Variants in LRRC1 observed in about 807,000 individuals in gnomAD.
LRRC1 encodes the protein leucine rich repeat containing 1.
A neutral mutation model predicts 69.9 loss-of-function variants in LRRC1; 28 were observed. The ratio of observed to expected loss-of-function variants is 0.40; its 90% CI spans 0.30 to 0.55. The LOEUF is 0.55. Among genes scored for constraint, LRRC1 ranks in the 20% least tolerant of loss-of-function variants. LRRC1 has a pLI of 0.47. For synonymous variants in LRRC1, 236 were observed against 240.2 expected (o/e 0.98, Z 0.16); for missense variants, 498 against 609.0 (o/e 0.82, Z 1.92).
chr6:53,873,898 T>C (rs148681547), intron 2 of LRRC1, among the ~76,000 whole-genome samples: 238 of 152,354 alleles, frequency 1.6e-3, no homozygotes, highest in African/African-American at 5.5e-3. Flanking sequence ...GTGGCCTTTA[T>C]TGTGCTGAGA....
intron 2 of LRRC1, among the ~76,000 whole-genome samples, chr6:53,876,457 A>C (rs939983018): frequency 2.0e-5 from 3 of 151,912 alleles, no homozygotes; most frequent in Non-Finnish European, 4.4e-5. Flanking sequence ...CAAACTCTTA[A>C]CTCATTTCAG....
At chr6:53,872,254 GT>G (rs201658181) in intron 2 of LRRC1, among the ~76,000 whole-genome samples, 1 of 152,062 alleles carries the variant, frequency 6.6e-6, no homozygotes, top group Non-Finnish European at 1.5e-5. Context: ...ATTTATTTCT[GT>G]TTTTTAAAAA....
At chr6:53,906,391 AAC>A (rs1029927673) in intron 10 of LRRC1, among the ~76,000 whole-genome samples, 4 of 152,240 alleles carry the variant, frequency 2.6e-5, no homozygotes, top group Admixed American at 2.0e-4. Flanking sequence ...ACAGAAAATT[AAC>A]ACATTTTAGG....
chr6:53,902,268 TG>T (rs1327617321), intron 8 of LRRC1, among the ~76,000 whole-genome samples: 2 of 152,206 alleles, frequency 1.3e-5, no homozygotes, highest in Non-Finnish European at 2.9e-5. Flanking sequence ...ATTTTTTTTT[TG>T]TTTATTATAA....
intron 11 of LRRC1, among the ~76,000 whole-genome samples, chr6:53,917,350 G>A (rs1242690586): frequency 1.3e-5 from 2 of 152,186 alleles, no homozygotes; most frequent in African/African-American, 2.4e-5. Context: ...TCAGTCAGCA[G>A]CAGCCACATT....
At chr6:53,800,674 C>T (rs966840926) in intron 1 of LRRC1, among the ~76,000 whole-genome samples, 5 of 151,622 alleles carry the variant, frequency 3.3e-5, no homozygotes, top group Non-Finnish European at 7.4e-5. Flanking sequence ...GAATCTCACT[C>T]TGTCGCCCAG....
rs7767443 is a variant in LRRC1, at chr6:53,879,791, G to T, written c.356+720G>T. 4.0e-4 allele frequency among the ~76,000 whole-genome samples: 61 copies of T among 151,768 alleles called. 1 individual carries two copies. The East Asian group carries it at 0.01, about 25-fold the overall frequency. On this transcript the variant is annotated intron_variant, in intron 3 of 13. Transcript: ENST00000370888. ...TCCTGGTATGACACAGTCTGTTGCC[G>T]AGGCATGGCTGAGTGGCATTGCTGT...
intron 4 of LRRC1, 30 bp from the exon 5 acceptor site, chr6:53,896,468 A>T: frequency 6.3e-7 from 1 of 1,593,310 alleles, no homozygotes; most frequent in South Asian, 1.1e-5. Context: ...AATTTCTCTT[A>T]TGCTTTTTTT....
chr6:53,896,907 G>T lies in LRRC1; in HGVS notation c.567+15G>T. The T allele has an allele frequency of 6.6e-7, 1 of 1,510,660 alleles. No homozygotes were observed. Among genetic ancestry groups the T allele is most frequent in the South Asian group, 1.1e-5 (1 of 87,652 alleles). 93.6% of individuals were successfully genotyped at this position (1,510,660 alleles called of 1,614,324 possible). ...TATATAATTTGGTAAGTCCGTATTA[G>T]AGATTTGAATTTAACTTTGTTTTTA... On this transcript the variant is annotated intron_variant, in intron 6 of 13. Transcript: ENST00000370888.
chr6:53,909,597 T>C (rs1248938125), intron 10 of LRRC1, among the ~76,000 whole-genome samples: 3 of 152,106 alleles, frequency 2.0e-5, no homozygotes. Flanking sequence ...GTAAGGTACT[T>C]TTTTATAATC....
rs1041634765 is a variant in LRRC1, at chr6:53,795,153, G to C, written c.-104G>C. On this transcript the variant is annotated 5_prime_UTR_variant, in exon 1 of 14. Transcript: ENST00000370888. ...GCGAGCTAACCCAAGAGCCAACAAC[G>C]AGCGCGGAGAGGGCAGCGGACTGAG... is the stretch of plus-strand genomic sequence containing the variant. 1.4e-5 allele frequency: 15 copies of C among 1,040,326 alleles called. No homozygotes were observed. The highest frequency in any genetic ancestry group is 2.0e-5 in the Non-Finnish European group (15 of 742,702). 64.4% of individuals were successfully genotyped at this position (1,040,326 alleles called of 1,614,324 possible).
chr6:53,867,984 A>T (rs1766760168), intron 2 of LRRC1, among the ~76,000 whole-genome samples: 1 of 151,656 alleles, frequency 6.6e-6, no homozygotes, highest in African/African-American at 2.4e-5. Flanking sequence ...TTTTTGTTTC[A>T]CCTTATGTAA....
Position 53,829,620 on chromosome 6 carries a change from TGAGTCATGACACGGGTG to T in LRRC1, c.160-12489_160-12473del, listed in dbSNP as rs560293907. Among the ~76,000 whole-genome samples, 300 of 152,262 alleles carry T rather than the reference TGAGTCATGACACGGGTG, an allele frequency of 2.0e-3. 4 individuals carry two copies. In the East Asian group the frequency reaches 0.041, roughly 21 times the overall value. On this transcript the variant is annotated intron_variant, in intron 1 of 13. Coordinates refer to ENST00000370888, the MANE Select transcript of LRRC1 (RefSeq NM_018214.5). ...GGTTGGTGCTAATGATACGACATAGTGAGTCATGACACGGGTGATCTTGTTTCCTTTTATTATACAAA... is the reference window on the plus strand; with the variant it reads ...GGTTGGTGCTAATGATACGACATAGTATCTTGTTTCCTTTTATTATACAAA...
rs987154231 is a variant in LRRC1, at chr6:53,882,834, C to T, written c.357-53C>T. Reference sequence around the variant, plus strand: ...TCATTATATTTATGCTTGGTATACACTATACATGAACTTTTTTAATTTACA... The same window carrying T: ...TCATTATATTTATGCTTGGTATACATTATACATGAACTTTTTTAATTTACA... On this transcript the variant is annotated intron_variant, in intron 3 of 13. Coordinates refer to ENST00000370888, the MANE Select transcript of LRRC1 (RefSeq NM_018214.5). 6.4e-6 allele frequency: 7 copies of T among 1,095,118 alleles called. No individual in the cohort carries two copies. The African/African-American group carries it at 9.4e-5, about 15-fold the overall frequency. The allele number at this position is 1,095,118 out of a possible 1,614,324, so 67.8% of individuals were successfully genotyped here. A position where few individuals can be genotyped will look rare whatever the true frequency, so the allele number is the denominator to read the frequency against.
At chr6:53,862,787 A>G (rs1458988971) in intron 2 of LRRC1, among the ~76,000 whole-genome samples, 5 of 152,172 alleles carry the variant, frequency 3.3e-5, no homozygotes, top group Non-Finnish European at 7.3e-5. Context: ...TTGGAATAAT[A>G]TGATAAATGG....
At chr6:53,817,991 G>C (rs567703307) in intron 1 of LRRC1, among the ~76,000 whole-genome samples, 1 of 152,304 alleles carries the variant, frequency 6.6e-6, no homozygotes, top group East Asian at 1.9e-4. Flanking sequence ...TTTATGTTTT[G>C]CATGTGTAAT....
Position 53,875,454 on chromosome 6 carries a change from A to ATATGTGTGTGCACACG in LRRC1, c.278-3537_278-3522dup, listed in dbSNP as rs534968018. 3.8e-4 allele frequency among the ~76,000 whole-genome samples: 58 copies of ATATGTGTGTGCACACG among 152,252 alleles called. No individual in the cohort carries two copies. The East Asian group carries it at 0.011, about 28-fold the overall frequency. Reference sequence around the variant, plus strand: ...CTATTTATACACATATTCTGTGTGTATATGTGTGTGCACACGTGTGTGTGT... The same window carrying ATATGTGTGTGCACACG: ...CTATTTATACACATATTCTGTGTGTATATGTGTGTGCACACGTATGTGTGTGCACACGTGTGTGTGT... On this transcript the variant is annotated intron_variant, in intron 2 of 13. Coordinates refer to ENST00000370888, the MANE Select transcript of LRRC1 (RefSeq NM_018214.5).
At chr6:53,812,579 A>T (rs547663176) in intron 1 of LRRC1, among the ~76,000 whole-genome samples, 2 of 150,818 alleles carry the variant, frequency 1.3e-5, no homozygotes, top group Non-Finnish European at 2.9e-5. Context: ...AGTCCCAGCT[A>T]CTCGGGAGGC....
chr6:53,879,141 C>A, intron 3 of LRRC1, 70 bp downstream of exon 3: 1 of 1,056,320 alleles, frequency 9.5e-7, no homozygotes, highest in Non-Finnish European at 1.4e-6. Context: ...GCGGAGAACA[C>A]AGTCAGGTTA....
Sources: allele counts gnomAD v4.1 joint callset (sites outside exome capture counted in the v4.1 genomes callset), GRCh38; gene constraint gnomAD v4.1.1; transcripts MANE v1.5; gene names NCBI Gene and HGNC (gene_info 2026-07-23, HGNC 2026-07-21).